DHX35: variants seen among roughly 807,000 people sequenced by gnomAD.
DHX35 encodes DEAH-box helicase 35, also known as probable ATP-dependent RNA helicase DHX35.
Under a neutral mutation model 99.6 loss-of-function variants are expected in DHX35, and 84 were observed. The ratio of observed to expected loss-of-function variants is 0.84; its 90% confidence interval spans 0.71 to 1.01. The LOEUF (loss-of-function observed/expected upper bound fraction) is 1.01. DHX35 is among the 50% of genes least tolerant of loss of function. DHX35 has a pLI of 0.00. For missense variants in DHX35, 852 were observed against 888.5 expected (o/e 0.96, Z 0.52); for synonymous variants, 331 against 316.2 (o/e 1.05, Z -0.50).
chr20:39,023,602 C>A, intron 16 of DHX35, 88 bp from the exon 17 acceptor site: 1 of 1,295,542 alleles, frequency 7.7e-7, no homozygotes, highest in Non-Finnish European at 1.1e-6. Flanking sequence ...ATCCTCCCAC[C>A]TTAGCCTCAC....
intron 3 of DHX35, among the ~76,000 whole-genome samples, chr20:38,974,160 A>C (rs1210525141): frequency 1.3e-5 from 2 of 152,344 alleles, no homozygotes; most frequent in East Asian, 3.9e-4. Flanking sequence ...GCAAGTAAAC[A>C]ATATGACAAG....
chr20:38,994,853 T>A lies in DHX35; in HGVS notation c.615T>A (p.Ile205=). 1 of 1,613,966 alleles carries A rather than the reference T, an allele frequency of 6.2e-7. No individual in the cohort carries two copies. Among genetic ancestry groups the A allele is most frequent in the South Asian group, 1.1e-5 (1 of 91,074 alleles). ...AAAAGCGAGGGGATCTTCGATTGAT[T>A]GTAGCTTCAGCCACTCTGGATGCAG... ...IQKKRGDLRL[I]VASATLDADK... Residue 205 remains isoleucine, a synonymous_variant, in exon 8 of 22, where the codon ATT becomes ATA. Coordinates refer to ENST00000252011, the MANE Select transcript of DHX35 (RefSeq NM_021931.4).
At chr20:38,981,420 A>AT (rs956198561) in intron 3 of DHX35, among the ~76,000 whole-genome samples, 7 of 151,904 alleles carry the variant, frequency 4.6e-5, no homozygotes, top group South Asian at 4.2e-4. Flanking sequence ...ATAGATACTT[A>AT]TTTTTTTCTA....
At chr20:38,963,270 A>AT (rs2085862841) in intron 1 of DHX35, among the ~76,000 whole-genome samples, 1 of 152,208 alleles carries the variant, frequency 6.6e-6, no homozygotes, top group East Asian at 1.9e-4. Flanking sequence ...TACCAGCTTG[A>AT]TTTTTTTCTA....
chr20:39,018,352 G>A (rs1227175116), intron 14 of DHX35, among the ~76,000 whole-genome samples: 4 of 152,044 alleles, frequency 2.6e-5, no homozygotes, highest in Non-Finnish European at 4.4e-5. Flanking sequence ...GGGAGCTGGC[G>A]AAGAGTAGTT....
chr20:39,028,531 A>G, intron 19 of DHX35, 32 bp downstream of exon 19: 2 of 1,605,264 alleles, frequency 1.2e-6, no homozygotes, highest in Non-Finnish European at 1.7e-6. Context: ...TCATTTGTTA[A>G]AGGAACAATC....
chr20:39,010,485 C>T, intron 13 of DHX35, 81 bp downstream of exon 13: 1 of 1,551,268 alleles, frequency 6.4e-7, no homozygotes, highest in Non-Finnish European at 8.7e-7. Flanking sequence ...GTAGGGCATG[C>T]CATCTTTCCT....
intron 8 of DHX35, among the ~76,000 whole-genome samples, 184 bp from the exon 9 acceptor site, chr20:39,001,546 C>T (rs1273633291): frequency 1.3e-5 from 2 of 152,132 alleles, no homozygotes; most frequent in Admixed American, 1.3e-4. Flanking sequence ...ATGTGATTCC[C>T]CACAATTACA....
At chr20:38,997,484 T>C (rs184012674) in intron 8 of DHX35, among the ~76,000 whole-genome samples, 162 of 152,346 alleles carry the variant, frequency 1.1e-3, no homozygotes, top group African/African-American at 3.7e-3. Context: ...GTAGTTGATA[T>C]AGATGACTTT....
chr20:39,001,096 A>G (rs551088899), intron 8 of DHX35, among the ~76,000 whole-genome samples: 1 of 152,250 alleles, frequency 6.6e-6, no homozygotes, highest in African/African-American at 2.4e-5. Flanking sequence ...TTTGGCAGAA[A>G]CTGCCAAGAG....
chr20:39,014,790 G>A, intron 13 of DHX35, 90 bp from the exon 14 acceptor site: 1 of 1,485,962 alleles, frequency 6.7e-7, no homozygotes, highest in Non-Finnish European at 9.4e-7. Flanking sequence ...GCATGTTAGA[G>A]GGGAGAATGG....
chr20:39,015,067 A>G lies in DHX35; in HGVS notation c.1402+133A>G, dbSNP rs374588946. The stretch of plus-strand genomic sequence containing the variant: ...TTCTCCCCATATATATAATCCCCCT[A>G]ATGATACTTTATTGAAATAGGAAGT... On this transcript the variant is annotated intron_variant, in intron 14 of 21. Transcript: ENST00000252011. 39 of 1,002,814 alleles carry G rather than the reference A, an allele frequency of 3.9e-5. No homozygotes were observed. The East Asian group carries it at 9.3e-4, about 24-fold the overall frequency. The allele number at this position is 1,002,814 out of a possible 1,614,324, so 62.1% of individuals were successfully genotyped here. A position where few individuals can be genotyped will look rare whatever the true frequency, so the allele number is the denominator to read the frequency against.
intron 14 of DHX35, among the ~76,000 whole-genome samples, chr20:39,017,936 A>G (rs1489922623): frequency 6.6e-6 from 1 of 152,216 alleles, no homozygotes; most frequent in African/African-American, 2.4e-5. Context: ...GGAAAGGTTT[A>G]ATGGACTCAC....
chr20:38,986,346 A>G (rs2086249284), intron 4 of DHX35, among the ~76,000 whole-genome samples: 1 of 152,218 alleles, frequency 6.6e-6, no homozygotes, highest in South Asian at 2.1e-4. Flanking sequence ...TTGTGTGATT[A>G]TAAATAATAA....
intron 11 of DHX35, 30 bp from the exon 12 acceptor site, chr20:39,006,116 G>A: frequency 4.4e-6 from 7 of 1,593,756 alleles, no homozygotes; most frequent in Non-Finnish European, 6.0e-6. Flanking sequence ...AATAAAATGA[G>A]TTTTATTCTT....
In DHX35 at chr20:39,001,806, G is replaced by A. The variant is rs773409595; in HGVS notation, c.719G>A (p.Gly240Glu). 2 of 1,613,474 alleles carry A rather than the reference G, an allele frequency of 1.2e-6. No homozygotes were observed. Among genetic ancestry groups the A allele is most frequent in the African/African-American group, 1.3e-5 (1 of 74,914 alleles). ...RDTCVILTVE[G>E]RTFPVDIFYL... is the part of the protein sequence containing the mutation. The stretch of plus-strand genomic sequence containing the variant: ...ACATGTGTGATCCTTACAGTGGAAG[G>A]GAGAACATTTCCGGTGGATATCTTT... Residue 240 changes from glycine to glutamate, a missense_variant, in exon 9 of 22, where the codon GGG (glycine) becomes GAG (glutamate). By Grantham distance (98) the Gly-to-Glu change is moderately conservative (BLOSUM62 -2). Transcript: ENST00000252011.
intron 5 of DHX35, among the ~76,000 whole-genome samples, 179 bp downstream of exon 5, chr20:38,989,096 T>C (rs925355885): frequency 1.5e-5 from 2 of 130,526 alleles, no homozygotes; most frequent in Non-Finnish European, 3.3e-5. Flanking sequence ...CTTCCTTTTT[T>C]CTTTTTTTTT....
chr20:39,005,445 A>C (rs1434159599), intron 11 of DHX35, among the ~76,000 whole-genome samples: 1 of 152,176 alleles, frequency 6.6e-6, no homozygotes, highest in Non-Finnish European at 1.5e-5. Flanking sequence ...CTCTGCTCAA[A>C]ATCTTTCACA....
intron 19 of DHX35, 79 bp from the exon 20 acceptor site, chr20:39,030,625 A>G: frequency 7.5e-7 from 1 of 1,326,948 alleles, no homozygotes; most frequent in Non-Finnish European, 1.1e-6. Flanking sequence ...CTTTTTTGGT[A>G]ATATTAAAAA....
Sources: gnomAD v4.1 joint callset for allele counts (sites outside exome capture counted in the v4.1 genomes callset) on GRCh38, gnomAD v4.1.1 for gene constraint, MANE v1.5 for transcripts, NCBI Gene and HGNC (gene_info 2026-07-23, HGNC 2026-07-21) for gene names.